CEP63: variants seen among roughly 807,000 people sequenced by gnomAD.
CEP63 encodes the protein centrosomal protein of 63 kDa.
A neutral mutation model predicts 89.1 loss-of-function variants in CEP63; 84 were observed. That is an observed-to-expected ratio of 0.94 (90% confidence interval 0.79 to 1.13). The LOEUF is 1.13. CEP63 is among the 50% of genes most tolerant of loss of function. CEP63 has a pLI of 0.00. For synonymous variants in CEP63, 267 were observed against 272.5 expected (o/e 0.98, Z 0.20); for missense variants, 838 against 813.3 (o/e 1.03, Z -0.37).
At chr3:134,646,559 A>G in the CEP63 span, among the ~76,000 whole-genome samples, 5 of 152,212 alleles carry the variant, frequency 3.3e-5, no homozygotes, top group Admixed American at 3.3e-4. Context: ...GAACAGAATG[A>G]GTGAATGAAT....
At chr3:134,654,539 G>T in the CEP63 span, among the ~76,000 whole-genome samples, 2 of 152,182 alleles carry the variant, frequency 1.3e-5, no homozygotes, top group Admixed American at 1.3e-4. Context: ...AACTCCCTCA[G>T]CCTACCCTGA....
intron 5 of CEP63, among the ~76,000 whole-genome samples, chr3:134,535,049 AT>A (rs1212825578): frequency 1.3e-5 from 2 of 151,000 alleles, no homozygotes; most frequent in African/African-American, 4.9e-5. Flanking sequence ...TGCACCCTTA[AT>A]TTTTTTTCTC....
At chr3:134,491,297 T>C (rs954246941) in intron 1 of CEP63, among the ~76,000 whole-genome samples, 1 of 152,242 alleles carries the variant, frequency 6.6e-6, no homozygotes, top group Non-Finnish European at 1.5e-5. Flanking sequence ...TACTGTAGTT[T>C]TAATTTGTAT....
chr3:134,567,644 A>G (rs960578210), downstream of CEP63, among the ~76,000 whole-genome samples: 10 of 152,200 alleles, frequency 6.6e-5, no homozygotes, highest in Non-Finnish European at 1.3e-4. Flanking sequence ...AGCTCTGTTA[A>G]TCATTGCTTG....
the CEP63 span, among the ~76,000 whole-genome samples, chr3:134,617,317 A>G: frequency 6.6e-6 from 1 of 152,226 alleles, no homozygotes; most frequent in African/African-American, 2.4e-5. Context: ...TTCATCAGTT[A>G]AAAGAGAATT....
At chr3:134,677,851 A>G in the CEP63 span, among the ~76,000 whole-genome samples, 1 of 151,832 alleles carries the variant, frequency 6.6e-6, no homozygotes, top group Non-Finnish European at 1.5e-5. Context: ...TCACATAGTC[A>G]TGCAGTCACC....
chr3:134,630,096 A>G, the CEP63 span, among the ~76,000 whole-genome samples: 2 of 152,268 alleles, frequency 1.3e-5, no homozygotes, highest in Non-Finnish European at 2.9e-5. Flanking sequence ...ACTTAAAGGC[A>G]TTCCCAAACC....
chr3:134,765,910 C>T, the CEP63 span, among the ~76,000 whole-genome samples: 4 of 152,198 alleles, frequency 2.6e-5, no homozygotes, highest in South Asian at 8.3e-4. Context: ...TGGATTTGAT[C>T]CTACAGTGCC....
chr3:134,751,496 A>G, the CEP63 span, among the ~76,000 whole-genome samples: 1 of 152,088 alleles, frequency 6.6e-6, no homozygotes, highest in Non-Finnish European at 1.5e-5. Context: ...CCAGGGCACT[A>G]TGACTGCTTA....
intron 10 of CEP63, among the ~76,000 whole-genome samples, chr3:134,586,157 CTG>C (rs36146418): frequency 0.33 from 50,581 of 151,842 alleles, 8,768 homozygotes; most frequent in African/African-American, 0.41. Flanking sequence ...ATTTTCCAGT[CTG>C]TGACTTTTAA....
chr3:134,572,159 A>G (rs1167312598), intron 11 of CEP63, among the ~76,000 whole-genome samples: 1 of 152,228 alleles, frequency 6.6e-6, no homozygotes, highest in Non-Finnish European at 1.5e-5. Flanking sequence ...ATGCCTGGTC[A>G]TGTTGGTTCC....
the CEP63 span, among the ~76,000 whole-genome samples, chr3:134,760,824 A>G: frequency 6.6e-6 from 1 of 152,084 alleles, no homozygotes; most frequent in African/African-American, 2.4e-5. Context: ...TCTTAGGGAG[A>G]CTGCTGTCCT....
At chr3:134,739,289 G>T in the CEP63 span, among the ~76,000 whole-genome samples, 2 of 152,172 alleles carry the variant, frequency 1.3e-5, no homozygotes, top group Non-Finnish European at 2.9e-5. Flanking sequence ...ATAGAAAAAA[G>T]AATTATTGAG....
intron 14 of CEP63, among the ~76,000 whole-genome samples, chr3:134,559,830 GGCT>G (rs1281090642): frequency 2.0e-5 from 3 of 152,214 alleles, no homozygotes; most frequent in Non-Finnish European, 4.4e-5. Flanking sequence ...GGGGGAGGAA[GGCT>G]GTGCCTCTGA....
the CEP63 span, among the ~76,000 whole-genome samples, chr3:134,623,767 C>T: frequency 3.3e-5 from 5 of 152,138 alleles, no homozygotes. Flanking sequence ...GGCGTCTGTC[C>T]TGATCTCACT....
chr3:134,782,365 A>T, the CEP63 span, among the ~76,000 whole-genome samples: 1 of 152,158 alleles, frequency 6.6e-6, no homozygotes, highest in South Asian at 2.1e-4. Context: ...CTTTTGTGAA[A>T]ATCAGTCTAC....
At chr3:134,589,845 C>CCTAA (rs1164861359), downstream of CEP63, among the ~76,000 whole-genome samples, 1 of 152,064 alleles carries the variant, frequency 6.6e-6, no homozygotes, top group Non-Finnish European at 1.5e-5. Flanking sequence ...ATGGAATCAA[C>CCTAA]CTAAATACTC....
chr3:134,688,179 G>C, the CEP63 span, among the ~76,000 whole-genome samples: 1 of 152,186 alleles, frequency 6.6e-6, no homozygotes, highest in Non-Finnish European at 1.5e-5. Flanking sequence ...CCGTCACCTG[G>C]TGAATGTAGA....
chr3:134,580,595 A>G (rs1344349678), intron 10 of CEP63, among the ~76,000 whole-genome samples: 1 of 152,238 alleles, frequency 6.6e-6, no homozygotes, highest in Non-Finnish European at 1.5e-5. Context: ...TGACAAAGAC[A>G]TTATTAAAAA....
Sources: gnomAD v4.1 joint callset for allele counts (sites outside exome capture counted in the v4.1 genomes callset) on GRCh38, gnomAD v4.1.1 for gene constraint, MANE v1.5 for transcripts, NCBI Gene and HGNC (gene_info 2026-07-23, HGNC 2026-07-21) for gene names.